SNTG1: variants seen among roughly 807,000 people sequenced by gnomAD.
The protein encoded by SNTG1 is syntrophin gamma 1.
Under a neutral mutation model 74.7 loss-of-function variants are expected in SNTG1, and 39 were observed. That is an observed-to-expected ratio of 0.52 (90% CI 0.40 to 0.68). The LOEUF is 0.68. Among genes scored for constraint, SNTG1 ranks in the 30% least tolerant of loss-of-function variants. The pLI is 0.00. For missense variants in SNTG1, 685 were observed against 609.5 expected (o/e 1.12, Z -1.30); for synonymous variants, 254 against 217.1 (o/e 1.17, Z -1.49).
intron 1 of SNTG1, among the ~76,000 whole-genome samples, chr8:50,008,382 T>C (rs1429032992): frequency 6.6e-6 from 1 of 152,214 alleles, no homozygotes; most frequent in Non-Finnish European, 1.5e-5. Context: ...AGTGTCTGGA[T>C]AAGCACCTGA....
chr8:50,003,340 A>G (rs560260600), intron 1 of SNTG1, among the ~76,000 whole-genome samples: 67 of 152,336 alleles, frequency 4.4e-4, no homozygotes, highest in African/African-American at 1.3e-3. Context: ...ATCACTTAAA[A>G]TAAAAATGAA....
intron 1 of SNTG1, among the ~76,000 whole-genome samples, chr8:49,985,383 G>A (rs1053298404): frequency 1.3e-5 from 2 of 151,978 alleles, no homozygotes; most frequent in African/African-American, 2.4e-5. Flanking sequence ...TGCCCGTCTC[G>A]GCTTCCTAAG....
intron 1 of SNTG1, among the ~76,000 whole-genome samples, chr8:50,106,014 C>T (rs2080355867): frequency 6.6e-6 from 1 of 152,106 alleles, no homozygotes; most frequent in Admixed American, 6.6e-5. Context: ...TATTTGGATG[C>T]CTTTTATTTC....
At chr8:50,408,311 T>G (rs946598510) in intron 4 of SNTG1, among the ~76,000 whole-genome samples, 1 of 152,154 alleles carries the variant, frequency 6.6e-6, no homozygotes, top group Non-Finnish European at 1.5e-5. Context: ...CATTAAATTG[T>G]AAAGTAAATC....
intron 2 of SNTG1, among the ~76,000 whole-genome samples, chr8:50,308,119 G>A (rs1483720085): frequency 2.0e-5 from 3 of 151,266 alleles, no homozygotes; most frequent in Non-Finnish European, 4.4e-5. Flanking sequence ...TTGTTTTATC[G>A]TTGTCCTGCA....
intron 17 of SNTG1, among the ~76,000 whole-genome samples, chr8:50,732,461 A>C (rs1157070298): frequency 1.3e-5 from 2 of 151,900 alleles, no homozygotes; most frequent in Non-Finnish European, 2.9e-5. Flanking sequence ...ACATTATATT[A>C]CTTGCATTTT....
At chr8:49,913,096 A>AT (rs1380136758) in intron 1 of SNTG1, among the ~76,000 whole-genome samples, 49 of 152,340 alleles carry the variant, frequency 3.2e-4, no homozygotes, top group African/African-American at 1.1e-3. Context: ...TTCTGCTTTA[A>AT]TAAAAAGGGT....
chr8:50,765,467 G>A (rs2095611358), intron 18 of SNTG1, among the ~76,000 whole-genome samples: 1 of 151,800 alleles, frequency 6.6e-6, no homozygotes, highest in South Asian at 2.1e-4. Context: ...AGGGTCCTGG[G>A]GTCTCTGGGT....
chr8:50,157,632 G>A (rs2131578186), intron 1 of SNTG1, among the ~76,000 whole-genome samples: 1 of 152,216 alleles, frequency 6.6e-6, no homozygotes, highest in South Asian at 2.1e-4. Flanking sequence ...CGAGCTTGCA[G>A]ATAAGGTATT....
intron 8 of SNTG1, among the ~76,000 whole-genome samples, chr8:50,498,283 A>G (rs1312797499): frequency 6.6e-6 from 1 of 151,918 alleles, no homozygotes; most frequent in African/African-American, 2.4e-5. Context: ...TATGTGAGAC[A>G]TACATAATTT....
At chr8:50,786,554 C>A (rs1448936779) in intron 18 of SNTG1, among the ~76,000 whole-genome samples, 1 of 151,724 alleles carries the variant, frequency 6.6e-6, no homozygotes, top group African/African-American at 2.4e-5. Context: ...ATAATCTTGG[C>A]AAATAAGTTG....
At chr8:49,981,999 A>T (rs1238759449) in intron 1 of SNTG1, among the ~76,000 whole-genome samples, 6 of 152,176 alleles carry the variant, frequency 3.9e-5, no homozygotes, top group African/African-American at 1.4e-4. Context: ...AATAACTAAT[A>T]GATAATAAAA....
chr8:49,984,861 G>T (rs1271270921), intron 1 of SNTG1, among the ~76,000 whole-genome samples: 1 of 152,030 alleles, frequency 6.6e-6, no homozygotes, highest in Non-Finnish European at 1.5e-5. Context: ...GGTGTGTCAT[G>T]GAAAGTAAGT....
At chr8:50,624,053 G>A (rs1006008680) in intron 13 of SNTG1, among the ~76,000 whole-genome samples, 1 of 151,648 alleles carries the variant, frequency 6.6e-6, no homozygotes, top group Non-Finnish European at 1.5e-5. Flanking sequence ...CAATAAACAG[G>A]CTTTTGTGTT....
At chr8:50,138,072 C>G (rs1259607321) in intron 1 of SNTG1, among the ~76,000 whole-genome samples, 1 of 152,046 alleles carries the variant, frequency 6.6e-6, no homozygotes, top group Non-Finnish European at 1.5e-5. Flanking sequence ...AGAAACCTAT[C>G]TAGTGGAGGA....
At chr8:50,602,459 T>A (rs923415016) in intron 13 of SNTG1, among the ~76,000 whole-genome samples, 38 of 152,214 alleles carry the variant, frequency 2.5e-4, no homozygotes, top group African/African-American at 8.9e-4. Context: ...CTTATAGTAC[T>A]GTTTGTCTTG....
At chr8:50,258,748 A>G (rs543777958) in intron 2 of SNTG1, among the ~76,000 whole-genome samples, 1 of 152,264 alleles carries the variant, frequency 6.6e-6, no homozygotes, top group South Asian at 2.1e-4. Flanking sequence ...TAACACAGGA[A>G]AAAAAGAAGA....
intron 12 of SNTG1, among the ~76,000 whole-genome samples, chr8:50,567,479 T>A (rs2094522556): frequency 6.6e-6 from 1 of 152,142 alleles, no homozygotes; most frequent in South Asian, 2.1e-4. Flanking sequence ...TGTATGTGTA[T>A]AAATGTATAT....
In SNTG1 at chr8:50,553,179, T is replaced by A; in HGVS notation, c.810T>A (p.Asn270Lys). The A allele has an allele frequency of 6.2e-7, 1 of 1,613,736 alleles. No homozygotes were observed. Among genetic ancestry groups the A allele is most frequent in the Non-Finnish European group, 8.5e-7 (1 of 1,179,758 alleles). ...ATNISNLTKH[N>K]IKKINRNFPV... ...ACATTTCAAATCTCACAAAGCACAA[T>A]GTAAGTAATGATTCAAGGAATACCT... The change falls in exon 12 of 19, where the codon AAT (asparagine) becomes AAA (lysine). Residue 270 changes from asparagine to lysine, a missense_variant and splice_region_variant. Coordinates refer to ENST00000642720, the MANE Select transcript of SNTG1 (RefSeq NM_018967.5).
Sources: allele counts gnomAD v4.1 joint callset (sites outside exome capture counted in the v4.1 genomes callset), GRCh38; gene constraint gnomAD v4.1.1; transcripts MANE v1.5; gene names NCBI Gene and HGNC (gene_info 2026-07-23, HGNC 2026-07-21).